The following CNTNAP2 variants were observed in gnomAD, a reference collection of about 807,000 sequenced individuals.
CNTNAP2 encodes contactin-associated protein-like 2.
Under a neutral mutation model 155.2 loss-of-function variants are expected in CNTNAP2, and 98 were observed. The ratio of observed to expected loss-of-function variants is 0.63; its 90% CI spans 0.54 to 0.75. The LOEUF is 0.75. Among genes scored for constraint, CNTNAP2 ranks in the 30% least tolerant of loss-of-function variants. The probability of loss-of-function intolerance (pLI) is 0.00; values close to 1 mark genes in which losing one functional copy is unlikely to be tolerated. For synonymous variants in CNTNAP2, 651 were observed against 631.2 expected (o/e 1.03, Z -0.47); for missense variants, 1,727 against 1,688.1 (o/e 1.02, Z -0.40).
intron 5 of CNTNAP2, among the ~76,000 whole-genome samples, chr7:147,114,654 A>T (rs1800948818): frequency 2.6e-5 from 4 of 151,514 alleles, no homozygotes; most frequent in Admixed American, 2.0e-4. Flanking sequence ...TCTGTTTTCC[A>T]TTTGCTTGGT....
At chr7:147,012,940 A>G (rs752106335) in intron 3 of CNTNAP2, among the ~76,000 whole-genome samples, 2 of 152,082 alleles carry the variant, frequency 1.3e-5, no homozygotes, top group Non-Finnish European at 2.9e-5. Flanking sequence ...TGTGTTTAAA[A>G]TTGAATCTCC....
intron 4 of CNTNAP2, among the ~76,000 whole-genome samples, chr7:147,105,835 G>T (rs1348242097): frequency 6.6e-6 from 1 of 151,916 alleles, no homozygotes; most frequent in African/African-American, 2.4e-5. Flanking sequence ...AGAGAATTTT[G>T]TTTCCCAGCT....
At chr7:146,374,074 T>C (rs1795273289) in intron 1 of CNTNAP2, among the ~76,000 whole-genome samples, 1 of 152,142 alleles carries the variant, frequency 6.6e-6, no homozygotes, top group Non-Finnish European at 1.5e-5. Flanking sequence ...AGTTGTTGCC[T>C]TTGGGAAGCA....
chr7:147,635,471 A>C (rs1478738432), intron 12 of CNTNAP2, among the ~76,000 whole-genome samples: 4 of 152,028 alleles, frequency 2.6e-5, no homozygotes, highest in Non-Finnish European at 5.9e-5. Flanking sequence ...GTTTCCTTAG[A>C]TACATTCCCT....
At chr7:146,836,524 A>G (rs1803621061) in intron 2 of CNTNAP2, among the ~76,000 whole-genome samples, 1 of 152,228 alleles carries the variant, frequency 6.6e-6, no homozygotes, top group Non-Finnish European at 1.5e-5. Context: ...TGTAAAGTTA[A>G]GACCACAGCA....
intron 10 of CNTNAP2, among the ~76,000 whole-genome samples, chr7:147,415,729 GA>G (rs1196526713): frequency 6.6e-6 from 1 of 152,032 alleles, no homozygotes; most frequent in African/African-American, 2.4e-5. Flanking sequence ...GAATGATTAG[GA>G]AAAAAAATGT....
intron 21 of CNTNAP2, among the ~76,000 whole-genome samples, chr7:148,275,847 A>C (rs547572653): frequency 6.6e-6 from 1 of 152,276 alleles, no homozygotes; most frequent in East Asian, 1.9e-4. Context: ...ATGTTCCAAG[A>C]GAGAGGAAGC....
rs376907886 is a variant in CNTNAP2, at chr7:147,734,360, T to A, written c.2098+95054T>A. Among the ~76,000 whole-genome samples, 83 of 152,350 alleles carry A rather than the reference T, an allele frequency of 5.4e-4. 2 individuals are homozygous for A. In the East Asian group the frequency reaches 0.011, roughly 19 times the overall value. ...TTGAACCAGCCTTGCATCCCAGGGATGAAGCCCACTTGATCATGGTGGATA... is the reference window on the plus strand; with the variant it reads ...TTGAACCAGCCTTGCATCCCAGGGAAGAAGCCCACTTGATCATGGTGGATA... On this transcript the variant is annotated intron_variant, in intron 13 of 23. Transcript: ENST00000361727.
chr7:146,632,647 A>T (rs1394660403), intron 1 of CNTNAP2, among the ~76,000 whole-genome samples: 1 of 152,096 alleles, frequency 6.6e-6, no homozygotes, highest in Non-Finnish European at 1.5e-5. Flanking sequence ...AACATTTACA[A>T]TCCAAAACCT....
chr7:148,109,073 T>A (rs1205963856), intron 15 of CNTNAP2, among the ~76,000 whole-genome samples: 2 of 152,182 alleles, frequency 1.3e-5, no homozygotes, highest in Admixed American at 6.5e-5. Flanking sequence ...GAAAAGAGGC[T>A]CCTCTTCCAT....
chr7:146,420,424 T>C (rs1427394969), intron 1 of CNTNAP2, among the ~76,000 whole-genome samples: 1 of 152,070 alleles, frequency 6.6e-6, no homozygotes, highest in Admixed American at 6.6e-5. Context: ...TACCAGATCA[T>C]TGGAGACAGG....
rs1247890304 is a variant in CNTNAP2 at position 146,641,995 on chromosome 7, C to T, written c.98-132276C>T. On this transcript the variant is annotated intron_variant, in intron 1 of 23. Transcript: ENST00000361727. ...GAACATTCAAGAAAAGAACATGAAA[C>T]AAAATATATGACCTTAAATTATGTA... Among the ~76,000 whole-genome samples, 4 of 151,928 alleles carry T rather than the reference C, an allele frequency of 2.6e-5. No individual in the cohort carries two copies. In the East Asian group the frequency reaches 7.7e-4, roughly 29 times the overall value.
At chr7:147,754,697 G>GA (rs1030592653) in intron 13 of CNTNAP2, among the ~76,000 whole-genome samples, 10 of 151,676 alleles carry the variant, frequency 6.6e-5, no homozygotes, top group Admixed American at 2.0e-4. Context: ...TATTACATAA[G>GA]AAAAAAAATT....
chr7:146,292,011 A>G (rs1800436468), intron 1 of CNTNAP2, among the ~76,000 whole-genome samples: 1 of 152,248 alleles, frequency 6.6e-6, no homozygotes, highest in African/African-American at 2.4e-5. Context: ...CAAATATATA[A>G]GAAACTCAAA....
intron 22 of CNTNAP2, among the ~76,000 whole-genome samples, chr7:148,392,761 C>T (rs1799379174): frequency 6.6e-6 from 1 of 152,170 alleles, no homozygotes; most frequent in African/African-American, 2.4e-5. Flanking sequence ...AGTGGATTCA[C>T]TCAGGTTGGC....
intron 18 of CNTNAP2, among the ~76,000 whole-genome samples, chr7:148,197,178 A>G (rs1795292185): frequency 6.6e-6 from 1 of 152,216 alleles, no homozygotes; most frequent in Non-Finnish European, 1.5e-5. Context: ...CATCAGTACT[A>G]GCACTAGAAA....
chr7:146,144,642 G>T (rs910895916), intron 1 of CNTNAP2, among the ~76,000 whole-genome samples: 3 of 151,974 alleles, frequency 2.0e-5, no homozygotes, highest in African/African-American at 7.2e-5. Context: ...ACATTTCAGG[G>T]CTGAGACTAT....
At chr7:146,517,068 C>T (rs867088680) in intron 1 of CNTNAP2, among the ~76,000 whole-genome samples, 1 of 151,958 alleles carries the variant, frequency 6.6e-6, no homozygotes, top group Admixed American at 6.6e-5. Context: ...TCCTATGCTG[C>T]TCTAAGCACG....
At chr7:147,022,059 C>A (rs751564549) in intron 3 of CNTNAP2, among the ~76,000 whole-genome samples, 2 of 152,060 alleles carry the variant, frequency 1.3e-5, no homozygotes, top group African/African-American at 2.4e-5. Context: ...CTTTTGGCCA[C>A]TTTAGCTGTC....
Sources: allele counts gnomAD v4.1 joint callset (sites outside exome capture counted in the v4.1 genomes callset), GRCh38; gene constraint gnomAD v4.1.1; transcripts MANE v1.5; gene names NCBI Gene and HGNC (gene_info 2026-07-23, HGNC 2026-07-21).